The following MYO18B variants were observed in gnomAD, a reference collection of about 807,000 sequenced individuals.
The protein encoded by MYO18B is unconventional myosin-XVIIIb.
MYO18B carries 204 observed loss-of-function variants against 273.0 expected under a neutral mutation model. That is an observed-to-expected ratio of 0.75 (90% CI 0.67 to 0.84). The LOEUF (loss-of-function observed/expected upper bound fraction) is 0.84, where lower values mean the gene tolerates loss of function less well. Among genes scored for constraint, MYO18B ranks in the 40% least tolerant of loss-of-function variants. MYO18B has a pLI of 0.00. For synonymous variants in MYO18B, 1,330 were observed against 1,305.7 expected, an observed-to-expected ratio of 1.02 and a Z score of -0.40; for missense variants, 3,212 against 3,287.6, an observed-to-expected ratio of 0.98 and a Z score of 0.56.
Position 25,760,985 on chromosome 22 carries a change from T to G in MYO18B, c.-108T>G, listed in dbSNP as rs2086293913. The G allele has an allele frequency of 8.2e-7, 1 of 1,223,560 alleles. No individual in the cohort carries two copies. The highest frequency in any genetic ancestry group is 1.2e-6 in the Non-Finnish European group (1 of 834,794). The allele number at this position is 1,223,560 out of a possible 1,614,324, so 75.8% of individuals were successfully genotyped here. A position where few individuals can be genotyped will look rare whatever the true frequency, so the allele number is the denominator to read the frequency against. ...CCCCACTGTGTCCCTGTGTGTCAGT[T>G]CTGTGTCCATCTCATGTGCTGCGTG... On this transcript the variant is annotated splice_region_variant and 5_prime_UTR_variant, in exon 2 of 44. Transcript: ENST00000335473.
intron 40 of MYO18B, among the ~76,000 whole-genome samples, chr22:25,993,076 C>G (rs1008820204): frequency 5.3e-5 from 8 of 152,154 alleles, no homozygotes; most frequent in African/African-American, 1.2e-4. Context: ...GCGAGACCAC[C>G]CAAGTTCAAT....
At chr22:25,746,277 A>G (rs1460409631) in intron 1 of MYO18B, among the ~76,000 whole-genome samples, 1 of 152,178 alleles carries the variant, frequency 6.6e-6, no homozygotes, top group Non-Finnish European at 1.5e-5. Flanking sequence ...TTTTTCTGCC[A>G]ACAGTGGATG....
rs1398157344 is a variant in MYO18B, at chr22:25,878,057, A to G, written c.4314+9A>G. Reference sequence around the variant, plus strand: ...ATCTGCTAGAAAGCAAGGTATCCCCATCCCTCCTCTTGGGTCCTTGTGGGG... The same window carrying G: ...ATCTGCTAGAAAGCAAGGTATCCCCGTCCCTCCTCTTGGGTCCTTGTGGGG... On this transcript the variant is annotated intron_variant, in intron 25 of 43. Transcript: ENST00000335473. The G allele has an allele frequency of 5.1e-6, 8 of 1,570,852 alleles. No homozygotes were observed. The highest frequency in any genetic ancestry group is 6.9e-6 in the Non-Finnish European group (8 of 1,157,286).
At chr22:25,799,480 A>T (rs865935943) in intron 12 of MYO18B, among the ~76,000 whole-genome samples, 4 of 152,148 alleles carry the variant, frequency 2.6e-5, no homozygotes, top group Admixed American at 1.3e-4. Context: ...GACTTTGTCT[A>T]GCTCTTATCA....
At chr22:25,990,920 G>C (rs542267837) in intron 39 of MYO18B, among the ~76,000 whole-genome samples, 1 of 151,844 alleles carries the variant, frequency 6.6e-6, no homozygotes, top group Non-Finnish European at 1.5e-5. Flanking sequence ...AATTAGAGCC[G>C]GTTACAAGAA....
chr22:25,777,519 T>C, intron 7 of MYO18B, 64 bp from the exon 8 acceptor site: 1 of 1,446,298 alleles, frequency 6.9e-7, no homozygotes, highest in Non-Finnish European at 9.2e-7. Flanking sequence ...GGCGGGGCGC[T>C]GTCTTAGAAT....
At chr22:25,872,164 A>G (rs1601418950) in intron 22 of MYO18B, among the ~76,000 whole-genome samples, 1 of 152,202 alleles carries the variant, frequency 6.6e-6, no homozygotes, top group African/African-American at 2.4e-5. Context: ...AGTTAGTACC[A>G]ACTGGGCATG....
At chr22:25,942,759 T>G (rs1434680959) in intron 34 of MYO18B, among the ~76,000 whole-genome samples, 1 of 152,098 alleles carries the variant, frequency 6.6e-6, no homozygotes, top group East Asian at 1.9e-4. Context: ...CAGTAGCAGG[T>G]GGGACTGCTA....
intron 39 of MYO18B, among the ~76,000 whole-genome samples, chr22:25,978,336 G>C (rs1193054105): frequency 6.6e-6 from 1 of 152,196 alleles, no homozygotes; most frequent in African/African-American, 2.4e-5. Context: ...AGGCAGAGTA[G>C]AGCATTCCAG....
At chr22:26,055,292 A>C in the MYO18B span, among the ~76,000 whole-genome samples, 1 of 152,164 alleles carries the variant, frequency 6.6e-6, no homozygotes, top group African/African-American at 2.4e-5. Flanking sequence ...CTTGGGGAGA[A>C]ACTATCATCT....
rs532396947 is a variant in MYO18B, at chr22:25,921,184, C to G, written c.5365-73C>G. ...CAGAGGCAGGATTTAAACCAGGGAA[C>G]CTGATTCCGGAAAACTTAGACCCTG... On this transcript the variant is annotated intron_variant, in intron 33 of 43. Coordinates refer to ENST00000335473, the MANE Select transcript of MYO18B (RefSeq NM_032608.7). 8.7e-4 allele frequency: 1,276 copies of G among 1,459,420 alleles called. 22 individuals are homozygous for G. The South Asian group carries it at 0.016, about 18-fold the overall frequency. 90.4% of individuals were successfully genotyped at this position (1,459,420 alleles called of 1,614,324 possible).
the MYO18B span, among the ~76,000 whole-genome samples, chr22:26,036,504 G>A: frequency 6.6e-6 from 1 of 152,104 alleles, no homozygotes; most frequent in Non-Finnish European, 1.5e-5. Flanking sequence ...ATGCTCCTTT[G>A]TAAATAGCTG....
rs756196129 is a variant in MYO18B at position 26,026,516 on chromosome 22, A to G, written c.6542A>G (p.Asn2181Ser). 2.4e-5 allele frequency: 38 copies of G among 1,613,784 alleles called. No homozygotes were observed. Among genetic ancestry groups the G allele is most frequent in the African/African-American group, 5.3e-5 (4 of 74,920 alleles). The part of the protein sequence containing the change: ...ALALSRARST[N>S]VHSKTSGDKP... The stretch of plus-strand genomic sequence containing the variant: ...GCACTGAGCAGAGCCCGGTCCACCA[A>G]TGTCCACAGCAAGACCTCAGGAGAC... The change falls in exon 43 of 44, where the codon AAT becomes AGT. Residue 2181 changes from asparagine (N) to serine (S), a missense_variant. Transcript: ENST00000335473.
intron 11 of MYO18B, among the ~76,000 whole-genome samples, chr22:25,793,656 C>T (rs963276871): frequency 3.9e-5 from 6 of 152,190 alleles, no homozygotes; most frequent in African/African-American, 1.4e-4. Context: ...ACTCCAAATC[C>T]AAACCTGGCC....
chr22:25,840,660 A>G (rs1188410598), intron 17 of MYO18B, among the ~76,000 whole-genome samples: 1 of 152,240 alleles, frequency 6.6e-6, no homozygotes, highest in Non-Finnish European at 1.5e-5. Flanking sequence ...ATCTAGAATC[A>G]AGGAAATGTA....
chr22:25,767,180 C>A (rs2086535650), intron 3 of MYO18B, among the ~76,000 whole-genome samples: 2 of 152,300 alleles, frequency 1.3e-5, no homozygotes, highest in Middle Eastern at 3.4e-3. Flanking sequence ...ACAGCTGGAC[C>A]TGTGAGCTCT....
chr22:25,756,130 G>C (rs935632102), intron 1 of MYO18B, among the ~76,000 whole-genome samples: 1 of 152,114 alleles, frequency 6.6e-6, no homozygotes, highest in Non-Finnish European at 1.5e-5. Context: ...ATCTGACCTC[G>C]TGATCCGCCT....
chr22:25,821,159 C>T (rs2089263847), intron 12 of MYO18B, among the ~76,000 whole-genome samples: 1 of 152,196 alleles, frequency 6.6e-6, no homozygotes, highest in South Asian at 2.1e-4. Flanking sequence ...CTCTTTGATG[C>T]ACTGATTTCC....
At chr22:26,023,404 T>G (rs1328314478) in intron 42 of MYO18B, among the ~76,000 whole-genome samples, 1 of 152,202 alleles carries the variant, frequency 6.6e-6, no homozygotes, top group Non-Finnish European at 1.5e-5. Flanking sequence ...TTCAGACTTG[T>G]GGTCTGTGAT....
Sources: gnomAD v4.1 joint callset for allele counts (sites outside exome capture counted in the v4.1 genomes callset) on GRCh38, gnomAD v4.1.1 for gene constraint, MANE v1.5 for transcripts, NCBI Gene and HGNC (gene_info 2026-07-23, HGNC 2026-07-21) for gene names.